Variants in NTM observed in about 807,000 individuals in gnomAD.
The protein encoded by NTM is neurotrimin.
A neutral mutation model predicts 42.1 loss-of-function variants in NTM; 13 were observed. That is an observed-to-expected ratio of 0.31 (90% confidence interval 0.20 to 0.49). The LOEUF is 0.49. NTM is among the 20% of genes least tolerant of loss of function. The pLI is 0.99. For missense variants in NTM, 373 were observed against 452.8 expected (o/e 0.82, Z 1.60); for synonymous variants, 187 against 179.2 (o/e 1.04, Z -0.35).
intron 1 of NTM, among the ~76,000 whole-genome samples, chr11:131,830,783 G>A (rs1595162): frequency 0.046 from 6,941 of 152,112 alleles, 538 homozygotes; most frequent in African/African-American, 0.16. Context: ...TAACAATATC[G>A]ATTCTTCCAA....
intron 2 of NTM, among the ~76,000 whole-genome samples, chr11:131,970,404 C>G (rs890871754): frequency 6.6e-6 from 1 of 152,202 alleles, no homozygotes; most frequent in Non-Finnish European, 1.5e-5. Flanking sequence ...CGATTTGGTA[C>G]TGAGCTGTCA....
chr11:131,906,774 A>G (rs1429317588), intron 1 of NTM, among the ~76,000 whole-genome samples: 1 of 151,972 alleles, frequency 6.6e-6, no homozygotes, highest in African/African-American at 2.4e-5. Context: ...CCATTCCTTC[A>G]TATCCTCCTT....
chr11:131,671,377 C>T, intron 1 of NTM: 15 of 963,548 alleles, frequency 1.6e-5, no homozygotes, highest in Non-Finnish European at 1.9e-5. Context: ...GCCAGGGACA[C>T]CTGTCTCCAT....
chr11:131,466,665 T>C (rs1951929198), intron 1 of NTM, among the ~76,000 whole-genome samples: 1 of 152,174 alleles, frequency 6.6e-6, no homozygotes. Flanking sequence ...TCTCAGTAAT[T>C]ATCTCCATGA....
chr11:132,319,300 C>T (rs540198925), intron 7 of NTM, among the ~76,000 whole-genome samples: 10 of 152,252 alleles, frequency 6.6e-5, no homozygotes, highest in South Asian at 4.1e-4. Context: ...TCACCGTGTG[C>T]GAGCCGAAGC....
intron 4 of NTM, among the ~76,000 whole-genome samples, chr11:132,251,115 T>C (rs2091894230): frequency 6.6e-6 from 1 of 152,242 alleles, no homozygotes; most frequent in African/African-American, 2.4e-5. Flanking sequence ...ACACAATTTC[T>C]TGGAGAGAAT....
Position 131,942,479 on chromosome 11 carries a change from A to G in NTM, c.167+30831A>G, listed in dbSNP as rs144874972. Among the ~76,000 whole-genome samples the G allele has an allele frequency of 3.1e-3, 467 of 152,282 alleles. 3 individuals are homozygous for G. The highest frequency in any genetic ancestry group is 0.011 in the African/African-American group (443 of 41,546). ...GAACTGCCATGATTTCCCATCTGGA[A>G]GCAAGGGGGCTGGGAAAGGCACCCT... is the stretch of plus-strand genomic sequence containing the variant. On this transcript the variant is annotated intron_variant, in intron 2 of 8. Coordinates refer to ENST00000683400, the MANE Select transcript of NTM (RefSeq NM_001352005.2).
chr11:131,532,703 G>A (rs1565608359), intron 1 of NTM, among the ~76,000 whole-genome samples: 1 of 152,132 alleles, frequency 6.6e-6, no homozygotes, highest in Non-Finnish European at 1.5e-5. Flanking sequence ...CAAGGGTTCT[G>A]GTTTCTCGAC....
Position 131,381,731 on chromosome 11 carries a change from A to G in NTM, c.82+10843A>G, listed in dbSNP as rs577365152. ...TGATTAATTCCTGCTCAAGAACTCC[A>G]GAGATTTCTAGTGACCAGACACTCA... On this transcript the variant is annotated intron_variant, in intron 1 of 8. Transcript: ENST00000683400. Among the ~76,000 whole-genome samples, 522 of 152,320 alleles carry G rather than the reference A, an allele frequency of 3.4e-3. 1 individual carries two copies. Among genetic ancestry groups the G allele is most frequent in the Non-Finnish European group, 5.3e-3 (360 of 68,026 alleles).
intron 2 of NTM, among the ~76,000 whole-genome samples, chr11:131,942,427 T>A (rs1009033036): frequency 2.0e-5 from 3 of 152,132 alleles, no homozygotes; most frequent in Non-Finnish European, 4.4e-5. Context: ...TAGTATCTTT[T>A]GGGGCCAGTC....
At chr11:131,922,608 C>T (rs1464848043) in intron 2 of NTM, among the ~76,000 whole-genome samples, 1 of 152,174 alleles carries the variant, frequency 6.6e-6, no homozygotes, top group Non-Finnish European at 1.5e-5. Context: ...CTGAATCAGA[C>T]CACTTTTTAC....
At chr11:131,786,309 C>CA in intron 1 of NTM, among the ~76,000 whole-genome samples, 1 of 152,150 alleles carries the variant, frequency 6.6e-6, no homozygotes. Flanking sequence ...GCCAAGATGA[C>CA]TAAGTTACAA....
intron 2 of NTM, among the ~76,000 whole-genome samples, chr11:132,083,545 A>G (rs1566114749): frequency 6.6e-6 from 1 of 152,184 alleles, no homozygotes; most frequent in Non-Finnish European, 1.5e-5. Flanking sequence ...TTGAAGTCAC[A>G]AGAATATGGA....
At chr11:132,150,460 G>A (rs1591835638) in intron 3 of NTM, among the ~76,000 whole-genome samples, 1 of 152,322 alleles carries the variant, frequency 6.6e-6, no homozygotes, top group East Asian at 1.9e-4. Flanking sequence ...GCTATAAGGG[G>A]TTACCATTAT....
chr11:131,478,282 C>T (rs1439343855), intron 1 of NTM, among the ~76,000 whole-genome samples: 1 of 152,126 alleles, frequency 6.6e-6, no homozygotes, highest in Non-Finnish European at 1.5e-5. Flanking sequence ...GATTAATTTG[C>T]CTTTCTCTTT....
chr11:131,411,304 C>T (rs541339089), intron 1 of NTM, among the ~76,000 whole-genome samples: 7 of 152,194 alleles, frequency 4.6e-5, no homozygotes, highest in South Asian at 2.1e-4. Flanking sequence ...TTCAAAAGCA[C>T]GGAGAATGAC....
chr11:132,125,156 GCAAA>G (rs1193234773), intron 2 of NTM, among the ~76,000 whole-genome samples: 1 of 152,218 alleles, frequency 6.6e-6, no homozygotes, highest in Admixed American at 6.5e-5. Context: ...CAGTGGGGAT[GCAAA>G]CAAAGATGAG....
chr11:132,251,638 T>C (rs957110304), intron 4 of NTM, among the ~76,000 whole-genome samples: 3 of 152,212 alleles, frequency 2.0e-5, no homozygotes, highest in African/African-American at 7.2e-5. Context: ...TATATCTTTC[T>C]GTGTCTCAAT....
intron 4 of NTM, among the ~76,000 whole-genome samples, chr11:132,227,591 T>C (rs1053866558): frequency 4.6e-5 from 7 of 152,024 alleles, no homozygotes; most frequent in Non-Finnish European, 8.8e-5. Context: ...CTGTTGTTCC[T>C]CCTCCTCAAA....
Sources: gnomAD v4.1 joint callset for allele counts (sites outside exome capture counted in the v4.1 genomes callset) on GRCh38, gnomAD v4.1.1 for gene constraint, MANE v1.5 for transcripts, NCBI Gene and HGNC (gene_info 2026-07-23, HGNC 2026-07-21) for gene names.